The following VWA2 variants were observed in gnomAD, a reference collection of about 807,000 sequenced individuals.
VWA2 encodes the protein von Willebrand factor A domain-containing protein 2.
VWA2 carries 73 observed loss-of-function variants against 70.4 expected under a neutral mutation model. The observed-to-expected ratio is 1.04, with a 90% CI of 0.86 to 1.26. The LOEUF (loss-of-function observed/expected upper bound fraction) is 1.26, where lower values mean the gene tolerates loss of function less well. Among genes scored for constraint, VWA2 ranks in the 50% most tolerant of loss-of-function variants. VWA2 has a pLI of 0.00. For missense variants in VWA2, 1,011 were observed against 998.5 expected (o/e 1.01, Z -0.17); for synonymous variants, 407 against 423.3 (o/e 0.96, Z 0.47).
chr10:114,272,789 G>C lies in VWA2; in HGVS notation c.421G>C (p.Gly141Arg). The change falls in exon 6 of 14, where the codon GGG becomes CGG. Residue 141 changes from glycine (G) to arginine (R), a missense_variant. Gly to Arg is a moderately radical substitution (Grantham distance 125). Transcript: ENST00000392982. Reference sequence around the variant, plus strand: ...TGCTCTGAAATACCTTCTGCACAGAGGGTTGCCTGGAGGCAGAAATGCTTC... The same window carrying C: ...TGCTCTGAAATACCTTCTGCACAGACGGTTGCCTGGAGGCAGAAATGCTTC... ...ELALKYLLHR[G>R]LPGGRNASVP... 6.2e-7 allele frequency: 1 copy of C among 1,613,874 alleles called. No homozygotes were observed. The highest frequency in any genetic ancestry group is 8.5e-7 in the Non-Finnish European group (1 of 1,179,908).
chr10:114,282,711 AGAG>A (rs1183539547), intron 9 of VWA2, 140 bp downstream of exon 9: 4 of 701,720 alleles, frequency 5.7e-6, no homozygotes, highest in Non-Finnish European at 2.6e-6. Context: ...CTTGGGGGGC[AGAG>A]GAGAGTGTGC....
chr10:114,277,537 C>T (rs2037875296), intron 6 of VWA2, among the ~76,000 whole-genome samples: 1 of 152,162 alleles, frequency 6.6e-6, no homozygotes, highest in Admixed American at 6.5e-5. Flanking sequence ...ACCCTTTCTT[C>T]ATGTCCTAGT....
chr10:114,293,371 T>A lies in VWA2; in HGVS notation c.*2134T>A, dbSNP rs569983488. Among the ~76,000 whole-genome samples the A allele has an allele frequency of 3.6e-4, 55 of 152,348 alleles. No individual in the cohort carries two copies. Among genetic ancestry groups the A allele is most frequent in the Non-Finnish European group, 5.6e-4 (38 of 68,034 alleles). On this transcript the variant is annotated 3_prime_UTR_variant, in exon 14 of 14. Transcript: ENST00000392982. ...CTTTTTGTCTTGTTCCGGGCTGGTA[T>A]TTGGGTGCCCTGATTGAATTACTTG...
At chr10:114,281,078 T>G (rs1246358709) in intron 8 of VWA2, 1 of 152,276 alleles carries the variant, frequency 6.6e-6, no homozygotes, top group Non-Finnish European at 1.5e-5. Context: ...CTGAATTGAC[T>G]TGGCGTGTAC....
intron 1 of VWA2, among the ~76,000 whole-genome samples, chr10:114,244,830 T>C (rs1389832343): frequency 2.6e-5 from 4 of 152,248 alleles, no homozygotes; most frequent in African/African-American, 9.6e-5. Context: ...GTGAACACAG[T>C]GAGTGCAATG....
rs1031268787 is a variant in VWA2, at chr10:114,292,880, A to G, written c.*1643A>G. Among the ~76,000 whole-genome samples the G allele has an allele frequency of 2.0e-5, 3 of 151,866 alleles. No homozygotes were observed. The highest frequency in any genetic ancestry group is 7.3e-5 in the African/African-American group (3 of 41,338). ...GCCACCATGCCTAGCTAATTTTTGT[A>G]TTTTTAGTTAGAGACAGGGTTTCAC... is the stretch of plus-strand genomic sequence containing the variant. On this transcript the variant is annotated 3_prime_UTR_variant, in exon 14 of 14. Transcript: ENST00000392982.
intron 11 of VWA2, among the ~76,000 whole-genome samples, chr10:114,288,425 A>T (rs2039174720): frequency 6.6e-6 from 1 of 152,204 alleles, no homozygotes; most frequent in Non-Finnish European, 1.5e-5. Context: ...CATACTGGGG[A>T]TGGATGAAGG....
intron 6 of VWA2, among the ~76,000 whole-genome samples, chr10:114,275,209 GGCC>G: frequency 6.6e-6 from 1 of 152,178 alleles, no homozygotes; most frequent in Non-Finnish European, 1.5e-5. Context: ...ACTAAAGAGC[GGCC>G]AGTAAGGTGG....
intron 8 of VWA2, among the ~76,000 whole-genome samples, chr10:114,279,967 G>T (rs938199120): frequency 6.6e-6 from 1 of 152,238 alleles, no homozygotes; most frequent in Admixed American, 6.5e-5. Context: ...GGCTGGAAGA[G>T]GCTGGTGGCT....
At position 114,253,719 on chromosome 10, in the gene VWA2, A is replaced by C; in HGVS notation, c.121A>C (p.Ser41Arg). The change falls in exon 3 of 14, where the codon AGC (serine) becomes CGC (arginine). Residue 41 changes from serine (S) to arginine (R), a missense_variant. Coordinates refer to ENST00000392982, the MANE Select transcript of VWA2 (RefSeq NM_001272046.2). ...KETIGKISAA[S>R]KMMWCSAAVD... ...AACCATCGGGAAGATTTCAGCTGCC[A>C]GCAAAAGTAAGCCCAGGTTCTTCTT... 1 of 1,612,302 alleles carries C rather than the reference A, an allele frequency of 6.2e-7. No individual in the cohort carries two copies. Among genetic ancestry groups the C allele is most frequent in the Non-Finnish European group, 8.5e-7 (1 of 1,179,730 alleles).
intron 6 of VWA2, among the ~76,000 whole-genome samples, chr10:114,276,662 G>A (rs946518569): frequency 1.4e-5 from 2 of 147,866 alleles, no homozygotes; most frequent in East Asian, 2.0e-4. Context: ...TGTCTGCCAC[G>A]ACACCCAGCA....
intron 6 of VWA2, among the ~76,000 whole-genome samples, chr10:114,276,517 G>T (rs974622706): frequency 1.3e-5 from 2 of 151,888 alleles, no homozygotes; most frequent in East Asian, 3.9e-4. Flanking sequence ...TTATTTTTTT[G>T]AGACAGGGTC....
rs748713680 is a variant in VWA2 at position 114,282,541 on chromosome 10, C to G, written c.859C>G (p.Pro287Ala). Residue 287 changes from proline to alanine, a missense_variant, in exon 9 of 14, where the codon CCT becomes GCT. Physicochemically the swap from Pro to Ala is conservative, Grantham distance 27 (BLOSUM62 -1). Transcript: ENST00000392982. ...CTGGAAGAGAGTGTTCCTAACCCAC[C>G]CTGCCACCTGCTACAGGACCACCTG... ...YSWKRVFLTH[P>A]ATCYRTTCPG... 1.2e-6 allele frequency: 2 copies of G among 1,614,062 alleles called. No homozygotes were observed. Among genetic ancestry groups the G allele is most frequent in the Non-Finnish European group, 1.7e-6 (2 of 1,179,988 alleles).
At chr10:114,246,711 G>A in intron 1 of VWA2, 1 of 1,543,930 alleles carries the variant, frequency 6.5e-7, no homozygotes, top group African/African-American at 1.4e-5. Flanking sequence ...CTAGCAAACA[G>A]TCTTAGGAAT....
At chr10:114,240,785 C>T (rs2036961738) in intron 1 of VWA2, among the ~76,000 whole-genome samples, 1 of 152,186 alleles carries the variant, frequency 6.6e-6, no homozygotes, top group African/African-American at 2.4e-5. Context: ...CAGAGCTCCT[C>T]AGGCCTTACT....
intron 5 of VWA2, among the ~76,000 whole-genome samples, chr10:114,263,896 A>C (rs1444023995): frequency 6.6e-6 from 1 of 152,262 alleles, no homozygotes; most frequent in African/African-American, 2.4e-5. Context: ...ATGGCCAATA[A>C]GTACACAAAA....
At chr10:114,278,923 G>A in intron 8 of VWA2, 72 bp downstream of exon 8, 1 of 1,588,768 alleles carries the variant, frequency 6.3e-7, no homozygotes, top group Non-Finnish European at 8.6e-7. Context: ...GGGGAGGATA[G>A]TACTTTGGGG....
At chr10:114,256,144 C>T (rs1365905869) in intron 4 of VWA2, among the ~76,000 whole-genome samples, 3 of 152,184 alleles carry the variant, frequency 2.0e-5, no homozygotes, top group Admixed American at 1.3e-4. Flanking sequence ...CATGCAAAAT[C>T]GTACCCATAC....
At chr10:114,288,246 C>G (rs2039150706) in intron 11 of VWA2, among the ~76,000 whole-genome samples, 1 of 152,210 alleles carries the variant, frequency 6.6e-6, no homozygotes, top group Non-Finnish European at 1.5e-5. Flanking sequence ...TTCTCCCAGT[C>G]TTGTTATGTT....
Sources: gnomAD v4.1 joint callset for allele counts (sites outside exome capture counted in the v4.1 genomes callset) on GRCh38, gnomAD v4.1.1 for gene constraint, MANE v1.5 for transcripts, NCBI Gene and HGNC (gene_info 2026-07-23, HGNC 2026-07-21) for gene names.